Variants in NREP observed in about 807,000 individuals in gnomAD.
NREP encodes the protein neuronal regeneration related protein, also known as neuronal regeneration-related protein.
NREP carries 5 observed loss-of-function variants against 8.6 expected under a neutral mutation model. That is an observed-to-expected ratio of 0.58 (90% CI 0.30 to 1.22). The LOEUF (loss-of-function observed/expected upper bound fraction) is 1.22. Ranked by LOEUF, NREP falls within the 50% of genes most tolerant of loss-of-function variation. The pLI, the probability that NREP is intolerant of heterozygous loss-of-function variation, is 0.07. For synonymous variants in NREP, 27 were observed against 28.0 expected, an observed-to-expected ratio of 0.96 and a Z score of 0.11; for missense variants, 86 against 82.5, an observed-to-expected ratio of 1.04 and a Z score of -0.17.
chr5:111,864,816 A>T (rs971950138), intron 2 of NREP, among the ~76,000 whole-genome samples: 4 of 152,154 alleles, frequency 2.6e-5, no homozygotes, highest in Admixed American at 6.6e-5. Flanking sequence ...AGGAAATTTA[A>T]AAAGGTTATT....
chr5:111,878,223 C>T (rs1753958143), intron 2 of NREP, among the ~76,000 whole-genome samples: 1 of 152,152 alleles, frequency 6.6e-6, no homozygotes, highest in South Asian at 2.1e-4. Context: ...AATAGATGTA[C>T]TAGTTCATTC....
At chr5:111,755,936 A>G in intron 1 of NREP, 106 bp from the exon 2 acceptor site, 1 of 1,278,374 alleles carries the variant, frequency 7.8e-7, no homozygotes, top group Non-Finnish European at 1.0e-6. Context: ...TCTGTGGTTA[A>G]GATAAGTTAC....
At chr5:111,886,032 G>T (rs1381290248) in intron 2 of NREP, among the ~76,000 whole-genome samples, 3 of 152,316 alleles carry the variant, frequency 2.0e-5, no homozygotes, top group African/African-American at 7.2e-5. Context: ...AGAGTGAACA[G>T]GCAGCCTCCA....
intron 1 of NREP, chr5:111,976,679 A>G (rs1423615842): frequency 6.5e-7 from 1 of 1,534,902 alleles, no homozygotes; most frequent in East Asian, 2.5e-5. Context: ...GTCCCCTCAT[A>G]TGCATACACA....
At chr5:111,938,515 G>A (rs1052800290) in intron 2 of NREP, among the ~76,000 whole-genome samples, 16 of 152,016 alleles carry the variant, frequency 1.1e-4, no homozygotes, top group Non-Finnish European at 2.4e-4. Context: ...AATCAGTATG[G>A]TGTAATGGCT....
At chr5:111,952,120 C>T (rs10045865) in intron 2 of NREP, among the ~76,000 whole-genome samples, 4 of 151,972 alleles carry the variant, frequency 2.6e-5, no homozygotes, top group Middle Eastern at 3.4e-3. Context: ...TTCCCTTTCC[C>T]GACGAATCAT....
At chr5:111,932,698 T>C (rs1249571531) in intron 2 of NREP, among the ~76,000 whole-genome samples, 1 of 152,082 alleles carries the variant, frequency 6.6e-6, no homozygotes, top group Non-Finnish European at 1.5e-5. Context: ...AGAGATTTCT[T>C]AAATATTGAT....
At chr5:111,846,508 G>A (rs1026703567) in intron 2 of NREP, 5 of 142,738 alleles carry the variant, frequency 3.5e-5, no homozygotes, top group Non-Finnish European at 7.5e-5. Flanking sequence ...GCAGGAACAG[G>A]CTTAGCTCAT....
chr5:111,808,191 T>C (rs1292491805), intron 2 of NREP, among the ~76,000 whole-genome samples: 1 of 152,232 alleles, frequency 6.6e-6, no homozygotes, highest in Non-Finnish European at 1.5e-5. Context: ...TGTGTAGGCT[T>C]CTCCTCCAAT....
intron 2 of NREP, among the ~76,000 whole-genome samples, chr5:111,792,486 A>C (rs551900715): frequency 6.6e-6 from 1 of 152,346 alleles, no homozygotes; most frequent in East Asian, 1.9e-4. Context: ...ATGCACAATA[A>C]AAAATATATG....
intron 2 of NREP, among the ~76,000 whole-genome samples, chr5:111,959,128 G>T (rs1313434870): frequency 6.6e-6 from 1 of 151,880 alleles, no homozygotes; most frequent in African/African-American, 2.4e-5. Context: ...GGTGGGAAAG[G>T]TTTTCTTAAG....
chr5:111,913,610 G>A (rs1304041647), intron 2 of NREP, among the ~76,000 whole-genome samples: 1 of 152,070 alleles, frequency 6.6e-6, no homozygotes, highest in Admixed American at 6.6e-5. Flanking sequence ...AGTAACAAAA[G>A]ATAAAAGGAG....
At chr5:111,903,651 T>G (rs1754705198) in intron 2 of NREP, among the ~76,000 whole-genome samples, 1 of 152,144 alleles carries the variant, frequency 6.6e-6, no homozygotes, top group Admixed American at 6.6e-5. Flanking sequence ...TGATGGTAAT[T>G]GTTCCAGAGA....
rs190994882 is a variant in NREP, at chr5:111,844,744, T to C, written c.136-109237A>G. ...ATATATTCTATTGTTGCCTGACTCTTATTGTTACTTTTGAAATTTCTGCTC... is the reference window on the plus strand; with the variant it reads ...ATATATTCTATTGTTGCCTGACTCTCATTGTTACTTTTGAAATTTCTGCTC... On this transcript the variant is annotated intron_variant, in intron 2 of 3. Transcript: ENST00000395634. 7.4e-3 allele frequency among the ~76,000 whole-genome samples: 1,100 copies of C among 148,976 alleles called. 9 individuals are homozygous for C. Among genetic ancestry groups the C allele is most frequent in the Non-Finnish European group, 0.011 (764 of 67,438 alleles).
intron 2 of NREP, among the ~76,000 whole-genome samples, chr5:111,752,740 T>A (rs1750441455): frequency 6.6e-6 from 1 of 152,174 alleles, no homozygotes; most frequent in African/African-American, 2.4e-5. Context: ...TAAAACATAA[T>A]GAACTCATGC....
At chr5:111,731,185 CAG>C (rs1007228016) in intron 3 of NREP, 139 bp from the exon 4 acceptor site, 7 of 813,300 alleles carry the variant, frequency 8.6e-6, no homozygotes, top group Non-Finnish European at 1.3e-5. Flanking sequence ...TTTTGCAAAA[CAG>C]AGTTTACATA....
intron 2 of NREP, among the ~76,000 whole-genome samples, chr5:111,747,033 A>G (rs1750051824): frequency 1.3e-5 from 2 of 152,150 alleles, no homozygotes; most frequent in Admixed American, 1.3e-4. Context: ...AAATGAGCAC[A>G]AGAACAGACT....
At chr5:111,752,578 AAG>A (rs1488193585) in intron 2 of NREP, among the ~76,000 whole-genome samples, 1 of 152,210 alleles carries the variant, frequency 6.6e-6, no homozygotes, top group Non-Finnish European at 1.5e-5. Context: ...AGATTATTGA[AAG>A]AGTCTTCTTG....
intron 2 of NREP, among the ~76,000 whole-genome samples, chr5:111,952,928 C>T (rs938140384): frequency 5.9e-5 from 9 of 152,008 alleles, no homozygotes; most frequent in Non-Finnish European, 1.2e-4. Flanking sequence ...TACTTGATAC[C>T]TTGCTTGTAC....
Sources: allele counts gnomAD v4.1 joint callset (sites outside exome capture counted in the v4.1 genomes callset), GRCh38; gene constraint gnomAD v4.1.1; transcripts MANE v1.5; gene names NCBI Gene and HGNC (gene_info 2026-07-23, HGNC 2026-07-21).